Variants in CREB1 observed in about 807,000 individuals in gnomAD.
The protein encoded by CREB1 is cAMP responsive element binding protein 1, also known as cyclic AMP-responsive element-binding protein 1.
In CREB1, 2 loss-of-function variants were observed where a neutral mutation model predicts 42.0. The ratio of observed to expected loss-of-function variants is 0.05; its 90% CI spans 0.02 to 0.15. The LOEUF (loss-of-function observed/expected upper bound fraction) is 0.15, where lower values mean the gene tolerates loss of function less well. CREB1 is among the 10% of genes least tolerant of loss of function. CREB1 has a pLI of 1.00. For missense variants in CREB1, 199 were observed against 388.9 expected (o/e 0.51, Z 4.11); for synonymous variants, 123 against 139.9 (o/e 0.88, Z 0.85).
rs1254322015 is a variant in CREB1, at chr2:207,603,117, T to TA, written c.*6060dup. 2 of 210,006 alleles carry TA rather than the reference T, an allele frequency of 9.5e-6. No individual in the cohort carries two copies. The highest frequency in any genetic ancestry group is 4.5e-5 in the African/African-American group (2 of 44,120). The allele number at this position is 210,006 out of a possible 1,614,324, so 13.0% of individuals were successfully genotyped here. A position where few individuals can be genotyped will look rare whatever the true frequency, so the allele number is the denominator to read the frequency against. ...AAATAAATAACTATAATGAGGGAAA[T>TA]ACATTTCTAATAAAATTCCCTACAT... On this transcript the variant is annotated 3_prime_UTR_variant, in exon 8 of 8. Coordinates refer to ENST00000353267, the MANE Select transcript of CREB1 (RefSeq NM_004379.5).
intron 1 of CREB1, among the ~76,000 whole-genome samples, chr2:207,533,137 G>C (rs902600115): frequency 6.7e-6 from 1 of 149,714 alleles, no homozygotes; most frequent in Admixed American, 6.6e-5. Context: ...TAAATTACTT[G>C]ACAGAGTTTG....
chr2:207,601,322 A>T lies in CREB1; in HGVS notation c.*4264A>T, dbSNP rs1218458735. 5.4e-6 allele frequency: 1 copy of T among 185,948 alleles called. No individual in the cohort carries two copies. The highest frequency in any genetic ancestry group is 2.3e-5 in the African/African-American group (1 of 42,742). 11.5% of individuals were successfully genotyped at this position (185,948 alleles called of 1,614,324 possible). A position where few individuals can be genotyped will look rare whatever the true frequency, so the allele number is the denominator to read the frequency against. Reference sequence around the variant, plus strand: ...AAATTCCCTCATCAAGTAATTCTCAACTTTTTAGTCTTTCTCCTCTCTTCA... The same window carrying T: ...AAATTCCCTCATCAAGTAATTCTCATCTTTTTAGTCTTTCTCCTCTCTTCA... On this transcript the variant is annotated 3_prime_UTR_variant, in exon 8 of 8. Coordinates refer to ENST00000353267, the MANE Select transcript of CREB1 (RefSeq NM_004379.5).
chr2:207,574,217 T>G (rs991918285), intron 5 of CREB1, among the ~76,000 whole-genome samples: 1 of 152,224 alleles, frequency 6.6e-6, no homozygotes, highest in Non-Finnish European at 1.5e-5. Context: ...AATTCCCTTC[T>G]AATGGACAGT....
chr2:207,575,415 C>A lies in CREB1; in HGVS notation c.649C>A (p.Gln217Lys). The A allele has an allele frequency of 3.1e-6, 5 of 1,613,482 alleles. No homozygotes were observed. Among genetic ancestry groups the A allele is most frequent in the Non-Finnish European group, 4.2e-6 (5 of 1,179,570 alleles). ...ACAGTATGCACAGACCACTGATGGA[C>A]AGCAGATCTTAGTGCCCAGCAACCA... Reference protein sequence around the residue: ...ILQYAQTTDGQQILVPSNQVV... With the variant: ...ILQYAQTTDGKQILVPSNQVV... Residue 217 changes from glutamine (Q) to lysine (K), a missense_variant, in exon 6 of 8, where the codon CAG becomes AAG. Physicochemically the swap from Gln to Lys is moderately conservative, Grantham distance 53. Coordinates refer to ENST00000353267, the MANE Select transcript of CREB1 (RefSeq NM_004379.5).
chr2:207,544,163 T>C (rs1193589292), intron 1 of CREB1, among the ~76,000 whole-genome samples: 1 of 151,962 alleles, frequency 6.6e-6, no homozygotes, highest in Non-Finnish European at 1.5e-5. Context: ...CGCCTTGGCC[T>C]CCCAAAGTGC....
intron 7 of CREB1, among the ~76,000 whole-genome samples, chr2:207,580,404 C>T (rs990130822): frequency 1.3e-5 from 2 of 152,100 alleles, no homozygotes; most frequent in Non-Finnish European, 2.9e-5. Flanking sequence ...GAGAAATAAA[C>T]CTTATTTTTA....
chr2:207,587,097 CA>C (rs1005447768), intron 7 of CREB1, among the ~76,000 whole-genome samples: 16 of 151,886 alleles, frequency 1.1e-4, no homozygotes, highest in African/African-American at 3.9e-4. Flanking sequence ...GGAGGTTTCT[CA>C]AAAAAACTAA....
At position 207,601,931 on chromosome 2, in the gene CREB1, C is replaced by A. The variant is rs772718974; in HGVS notation, c.*4873C>A. On this transcript the variant is annotated 3_prime_UTR_variant, in exon 8 of 8. Transcript: ENST00000353267. Reference sequence around the variant, plus strand: ...GACTATTAAGTTGGCTACACAGTCACTGTATGTACTAGGAACTGGTTTCCT... The same window carrying A: ...GACTATTAAGTTGGCTACACAGTCAATGTATGTACTAGGAACTGGTTTCCT... 24 of 211,386 alleles carry A rather than the reference C, an allele frequency of 1.1e-4. No homozygotes were observed. Among genetic ancestry groups the A allele is most frequent in the Admixed American group, 2.4e-4 (4 of 16,994 alleles). The allele number at this position is 211,386 out of a possible 1,614,324, so 13.1% of individuals were successfully genotyped here. A position where few individuals can be genotyped will look rare whatever the true frequency, so the allele number is the denominator to read the frequency against.
intron 7 of CREB1, among the ~76,000 whole-genome samples, chr2:207,595,300 G>C (rs1257044019): frequency 6.6e-6 from 1 of 151,680 alleles, no homozygotes; most frequent in Non-Finnish European, 1.5e-5. Context: ...AGCCTATATT[G>C]AGCATCTTTT....
intron 1 of CREB1, among the ~76,000 whole-genome samples, chr2:207,543,917 T>C (rs2081198874): frequency 6.8e-6 from 1 of 147,558 alleles, no homozygotes; most frequent in Non-Finnish European, 1.5e-5. Context: ...ATTTGTTTTT[T>C]TGTTTGTTTG....
Position 207,602,488 on chromosome 2 carries a change from A to G in CREB1, c.*5430A>G, listed in dbSNP as rs1346760141. The G allele has an allele frequency of 4.9e-6, 1 of 204,084 alleles. No homozygotes were observed. The highest frequency in any genetic ancestry group is 2.3e-5 in the African/African-American group (1 of 43,666). 12.6% of individuals were successfully genotyped at this position (204,084 alleles called of 1,614,324 possible). A position where few individuals can be genotyped will look rare whatever the true frequency, so the allele number is the denominator to read the frequency against. On this transcript the variant is annotated 3_prime_UTR_variant, in exon 8 of 8. Transcript: ENST00000353267. ...GGAAATTCACATTTGACCTAACATT[A>G]CTTGCCTATAGAAGTATGGCATTTC...
At chr2:207,531,678 T>C (rs1158622107) in intron 1 of CREB1, among the ~76,000 whole-genome samples, 2 of 152,188 alleles carry the variant, frequency 1.3e-5, no homozygotes, top group South Asian at 2.1e-4. Context: ...CGAACAGTTA[T>C]TTTAGGTGGT....
chr2:207,594,331 T>C (rs1467198940), intron 7 of CREB1, among the ~76,000 whole-genome samples: 1 of 152,166 alleles, frequency 6.6e-6, no homozygotes, highest in Non-Finnish European at 1.5e-5. Flanking sequence ...CCAGAACTTG[T>C]TCATCTTGCA....
At chr2:207,547,930 A>AT (rs930567299) in intron 1 of CREB1, among the ~76,000 whole-genome samples, 300 of 146,318 alleles carry the variant, frequency 2.1e-3, no homozygotes, top group African/African-American at 5.9e-3. Context: ...ATATCAGATG[A>AT]TTTTTTTTTT....
At chr2:207,538,249 C>G (rs892754730) in intron 1 of CREB1, among the ~76,000 whole-genome samples, 2 of 151,824 alleles carry the variant, frequency 1.3e-5, no homozygotes, top group African/African-American at 4.9e-5. Context: ...AAAACGTATT[C>G]TGGCGTTTAT....
intron 1 of CREB1, among the ~76,000 whole-genome samples, chr2:207,545,412 T>C (rs994593244): frequency 3.3e-5 from 5 of 152,134 alleles, no homozygotes; most frequent in Admixed American, 3.3e-4. Flanking sequence ...TTCACTATGT[T>C]GGCCAGCTGG....
At position 207,603,373 on chromosome 2, in the gene CREB1, T is replaced by C; in HGVS notation, c.*6315T>C. On this transcript the variant is annotated 3_prime_UTR_variant, in exon 8 of 8. Transcript: ENST00000353267. Reference sequence around the variant, plus strand: ...GTAATCTTTGTGGTATCAACTGTCATAATGCTCTTTTTACACAAACATTTA... The same window carrying C: ...GTAATCTTTGTGGTATCAACTGTCACAATGCTCTTTTTACACAAACATTTA... The C allele has an allele frequency of 4.4e-6, 1 of 224,752 alleles. No homozygotes were observed. The highest frequency in any genetic ancestry group is 1.8e-4 in the South Asian group (1 of 5,456). The allele number at this position is 224,752 out of a possible 1,614,324, so 13.9% of individuals were successfully genotyped here. A position where few individuals can be genotyped will look rare whatever the true frequency, so the allele number is the denominator to read the frequency against.
At position 207,601,079 on chromosome 2, in the gene CREB1, G is replaced by A. The variant is rs1007208494; in HGVS notation, c.*4021G>A. ...AAGTTAAGATCTTGAATTAAAGTGA[G>A]TTTTAGAAATAGTGTTACATACCTT... On this transcript the variant is annotated 3_prime_UTR_variant, in exon 8 of 8. Coordinates refer to ENST00000353267, the MANE Select transcript of CREB1 (RefSeq NM_004379.5). 5.3e-6 allele frequency: 1 copy of A among 187,248 alleles called. No homozygotes were observed. The highest frequency in any genetic ancestry group is 1.1e-5 in the Non-Finnish European group (1 of 89,006). The allele number at this position is 187,248 out of a possible 1,614,324, so 11.6% of individuals were successfully genotyped here.
chr2:207,545,004 G>A (rs1023207077), intron 1 of CREB1, among the ~76,000 whole-genome samples: 4 of 152,114 alleles, frequency 2.6e-5, no homozygotes, highest in Non-Finnish European at 5.9e-5. Context: ...TCGCTATTGT[G>A]AATAGTGCTG....
Sources: gnomAD v4.1 joint callset for allele counts (sites outside exome capture counted in the v4.1 genomes callset) on GRCh38, gnomAD v4.1.1 for gene constraint, MANE v1.5 for transcripts, NCBI Gene and HGNC (gene_info 2026-07-23, HGNC 2026-07-21) for gene names.